IQCH: variants seen among roughly 807,000 people sequenced by gnomAD.
The protein encoded by IQCH is IQ domain-containing protein H.
In IQCH, 98 loss-of-function variants were observed where a neutral mutation model predicts 117.0. That is an observed-to-expected ratio of 0.84 (90% CI 0.71 to 0.99). The LOEUF (loss-of-function observed/expected upper bound fraction) is 0.99, where lower values mean the gene tolerates loss of function less well. Ranked by LOEUF, IQCH falls within the 50% of genes least tolerant of loss-of-function variation. The probability of loss-of-function intolerance (pLI) is 0.00; values close to 1 mark genes in which losing one functional copy is unlikely to be tolerated. For missense variants in IQCH, 1,102 were observed against 1,243.8 expected (o/e 0.89, Z 1.72); for synonymous variants, 412 against 448.2 (o/e 0.92, Z 1.02).
At chr15:67,344,868 A>C (rs1969317740) in intron 6 of IQCH, among the ~76,000 whole-genome samples, 1 of 152,238 alleles carries the variant, frequency 6.6e-6, no homozygotes, top group Admixed American at 6.5e-5. Flanking sequence ...TAAATAAGCA[A>C]GACCCAACTG....
intron 14 of IQCH, among the ~76,000 whole-genome samples, chr15:67,402,606 T>C (rs207475570): frequency 6.6e-6 from 1 of 152,208 alleles, no homozygotes; most frequent in African/African-American, 2.4e-5. Context: ...TCATCAAGCC[T>C]AGCCTGGCAC....
intron 16 of IQCH, among the ~76,000 whole-genome samples, chr15:67,441,327 A>AT (rs1460097481): frequency 1.3e-5 from 2 of 152,136 alleles, no homozygotes; most frequent in Non-Finnish European, 2.9e-5. Flanking sequence ...CAATCTACAA[A>AT]TTCAATGCAA....
In IQCH at chr15:67,493,676, T is replaced by C. The variant is rs149504805; in HGVS notation, c.2862-582T>C. ...CTTAAACCATTTTTTTTAATTATTA[T>C]ACTTTAAGTTATAGGGTACATGTGC... On this transcript the variant is annotated intron_variant, in intron 19 of 20. Coordinates refer to ENST00000335894, the MANE Select transcript of IQCH (RefSeq NM_001031715.3). The surrounding 1 kb of genome is among the most constrained non-coding windows in gnomAD (Gnocchi z 5.1). Among the ~76,000 whole-genome samples the C allele has an allele frequency of 4.1e-3, 629 of 152,368 alleles. 3 individuals are homozygous for C. The highest frequency in any genetic ancestry group is 0.013 in the African/African-American group (522 of 41,594).
rs1018763619 is a variant in IQCH, at chr15:67,422,120, C to G, written c.2505+543C>G. ...TCTCAAAAAAAAAAAAAAATAGTGACTGAATCTCACCCCTCACAGTTCACA... is the reference window on the plus strand; with the variant it reads ...TCTCAAAAAAAAAAAAAAATAGTGAGTGAATCTCACCCCTCACAGTTCACA... On this transcript the variant is annotated intron_variant, in intron 16 of 20. Transcript: ENST00000335894. The surrounding 1 kb of genome is among the most constrained non-coding windows in gnomAD (Gnocchi z 4.7). Among the ~76,000 whole-genome samples, 1 of 151,464 alleles carries G rather than the reference C, an allele frequency of 6.6e-6. No homozygotes were observed. Among genetic ancestry groups the G allele is most frequent in the Non-Finnish European group, 1.5e-5 (1 of 67,832 alleles).
chr15:67,340,763 T>G (rs1969133998), intron 5 of IQCH, among the ~76,000 whole-genome samples: 1 of 152,184 alleles, frequency 6.6e-6, no homozygotes, highest in Non-Finnish European at 1.5e-5. Context: ...CAGAACAGAA[T>G]TCCTTTATGA....
Position 67,400,111 on chromosome 15 carries a change from C to CA in IQCH, c.1906-2dup. 6.2e-7 allele frequency: 1 copy of CA among 1,612,738 alleles called. No individual in the cohort carries two copies. Among genetic ancestry groups the CA allele is most frequent in the Non-Finnish European group, 8.5e-7 (1 of 1,179,036 alleles). ...AAATGCAGCTGTGTCTTTGGCCTCA[C>CA]AGATGATAGAGCAGCTGAGTCAGCT... On this transcript the variant is annotated splice_polypyrimidine_tract_variant and splice_region_variant and intron_variant, in intron 13 of 20. Transcript: ENST00000335894.
intron 14 of IQCH, among the ~76,000 whole-genome samples, chr15:67,415,132 C>T (rs1414341584): frequency 2.0e-5 from 3 of 152,070 alleles, no homozygotes; most frequent in African/African-American, 7.2e-5. Flanking sequence ...AAGAAGGGGT[C>T]CGGGTTGCTG....
At chr15:67,487,370 A>G (rs2083514643) in intron 18 of IQCH, among the ~76,000 whole-genome samples, 1 of 151,800 alleles carries the variant, frequency 6.6e-6, no homozygotes, top group African/African-American at 2.4e-5. Flanking sequence ...ATGCCCATGC[A>G]GGGCTGCGAT....
At chr15:67,255,034 C>A in intron 1 of IQCH, 87 bp downstream of exon 1, 1 of 1,295,468 alleles carries the variant, frequency 7.7e-7, no homozygotes, top group Non-Finnish European at 1.1e-6. Context: ...CGACGCTCAC[C>A]CATTTGGTGC....
intron 4 of IQCH, among the ~76,000 whole-genome samples, chr15:67,284,000 A>G (rs77868661): frequency 0.015 from 2,255 of 152,232 alleles, 56 homozygotes; most frequent in African/African-American, 0.048. Flanking sequence ...ATCAGGGTAA[A>G]TGGGGTAGCC....
chr15:67,494,171 C>T lies in IQCH; in HGVS notation c.2862-87C>T. On this transcript the variant is annotated intron_variant, in intron 19 of 20. Transcript: ENST00000335894. This position sits in a 1 kb window ranked among gnomAD's most constrained non-coding sequence, Gnocchi z 5.5. ...TGAAAATACTCATTAAATTCCATCACCAGACAGGCACAAATGAGAGGGCGA... is the reference window on the plus strand; with the variant it reads ...TGAAAATACTCATTAAATTCCATCATCAGACAGGCACAAATGAGAGGGCGA... The T allele has an allele frequency of 1.2e-6, 1 of 862,278 alleles. No individual in the cohort carries two copies. Among genetic ancestry groups the T allele is most frequent in the East Asian group, 2.9e-5 (1 of 34,934 alleles). The allele number at this position is 862,278 out of a possible 1,614,324, so 53.4% of individuals were successfully genotyped here.
At chr15:67,267,472 G>A (rs1965723674) in intron 3 of IQCH, among the ~76,000 whole-genome samples, 1 of 152,164 alleles carries the variant, frequency 6.6e-6, no homozygotes, top group Non-Finnish European at 1.5e-5. Context: ...ACATGTAGAG[G>A]GCCTTTCTCT....
intron 3 of IQCH, among the ~76,000 whole-genome samples, chr15:67,268,106 A>G (rs1354787233): frequency 6.6e-6 from 1 of 151,994 alleles, no homozygotes; most frequent in Non-Finnish European, 1.5e-5. Flanking sequence ...ACAACCTAGC[A>G]CTCTTTTGCT....
chr15:67,357,460 AT>A (rs1279213413), intron 7 of IQCH, 39 bp downstream of exon 7: 1 of 1,243,036 alleles, frequency 8.0e-7, no homozygotes, highest in Non-Finnish European at 1.2e-6. Flanking sequence ...AATTATTCTT[AT>A]TTACAGCACT....
Position 67,439,844 on chromosome 15 carries a change from C to T in IQCH, c.2505+18267C>T, listed in dbSNP as rs139636331. ...CAGAGGTTGTGGTGAGCCGAGATCA[C>T]GCCATTGCACTCCATCCTGGGCAAC... On this transcript the variant is annotated intron_variant, in intron 16 of 20. Coordinates refer to ENST00000335894, the MANE Select transcript of IQCH (RefSeq NM_001031715.3). Among the ~76,000 whole-genome samples the T allele has an allele frequency of 9.5e-3, 1,405 of 148,552 alleles. 35 individuals are homozygous for T. The highest frequency in any genetic ancestry group is 0.032 in the African/African-American group (1,268 of 39,976).
intron 5 of IQCH, among the ~76,000 whole-genome samples, chr15:67,340,199 G>A (rs368953877): frequency 7.4e-4 from 112 of 152,000 alleles, no homozygotes; most frequent in African/African-American, 2.5e-3. Flanking sequence ...AGGCCAAGGC[G>A]AGCAGATCAC....
At chr15:67,347,725 C>A (rs1472963592) in intron 6 of IQCH, among the ~76,000 whole-genome samples, 1 of 150,582 alleles carries the variant, frequency 6.6e-6, no homozygotes, top group African/African-American at 2.4e-5. Flanking sequence ...AAAAAAACTA[C>A]AGCCCAGTAT....
rs1293200015 is a variant in IQCH at position 67,436,285 on chromosome 15, A to C, written c.2505+14708A>C. Among the ~76,000 whole-genome samples, 2 of 152,160 alleles carry C rather than the reference A, an allele frequency of 1.3e-5. No individual in the cohort carries two copies. Among genetic ancestry groups the C allele is most frequent in the Admixed American group, 1.3e-4 (2 of 15,268 alleles). On this transcript the variant is annotated intron_variant, in intron 16 of 20. Transcript: ENST00000335894. This position sits in a 1 kb window ranked among gnomAD's most constrained non-coding sequence, Gnocchi z 5.1. ...AGGAAAGGGAGACCCTCCTCTCTCAAACACACACCCCCGCACTGGAGAAGC... is the reference window on the plus strand; with the variant it reads ...AGGAAAGGGAGACCCTCCTCTCTCACACACACACCCCCGCACTGGAGAAGC...
chr15:67,395,833 C>T lies in IQCH; in HGVS notation c.1905+270C>T, dbSNP rs1400689574. Among the ~76,000 whole-genome samples the T allele has an allele frequency of 2.0e-5, 3 of 151,742 alleles. No homozygotes were observed. The highest frequency in any genetic ancestry group is 4.4e-5 in the Non-Finnish European group (3 of 67,968). On this transcript the variant is annotated intron_variant, in intron 13 of 20. Coordinates refer to ENST00000335894, the MANE Select transcript of IQCH (RefSeq NM_001031715.3). This position sits in a 1 kb window ranked among gnomAD's most constrained non-coding sequence, Gnocchi z 4.0. ...ACCTCCCAGTTTCTGTGACTTCCAGCTAATTTTTGTATTTTTAGTAGAGAT... is the reference window on the plus strand; with the variant it reads ...ACCTCCCAGTTTCTGTGACTTCCAGTTAATTTTTGTATTTTTAGTAGAGAT...
Sources: gnomAD v4.1 joint callset for allele counts (sites outside exome capture counted in the v4.1 genomes callset) on GRCh38, gnomAD v4.1.1 for gene constraint, Gnocchi (gnomAD v3.1) non-coding constraint, MANE v1.5 for transcripts, NCBI Gene and HGNC (gene_info 2026-07-23, HGNC 2026-07-21) for gene names.